Variants in ZCCHC17 observed in about 807,000 individuals in gnomAD.
ZCCHC17 encodes zinc finger CCHC domain-containing protein 17.
A neutral mutation model predicts 30.6 loss-of-function variants in ZCCHC17; 18 were observed. The ratio of observed to expected loss-of-function variants is 0.59; its 90% CI spans 0.41 to 0.87. The LOEUF (loss-of-function observed/expected upper bound fraction) is 0.87. Ranked by LOEUF, ZCCHC17 falls within the 40% of genes least tolerant of loss-of-function variation. ZCCHC17 has a pLI of 0.00. For missense variants in ZCCHC17, 263 were observed against 284.2 expected (o/e 0.93, Z 0.54); for synonymous variants, 88 against 92.4 (o/e 0.95, Z 0.27).
intron 3 of ZCCHC17, among the ~76,000 whole-genome samples, chr1:31,335,067 A>T (rs937871512): frequency 2.6e-5 from 4 of 152,164 alleles, no homozygotes; most frequent in Admixed American, 6.5e-5. Context: ...ACTCTCAGTT[A>T]TGTTTCTCAG....
intron 7 of ZCCHC17, among the ~76,000 whole-genome samples, chr1:31,362,026 G>A (rs377670938): frequency 1.8e-4 from 27 of 152,218 alleles, no homozygotes; most frequent in East Asian, 1.5e-3. Flanking sequence ...TGGCCAGGAT[G>A]GTCTCGATCT....
At chr1:31,310,197 T>G (rs1380398677) in intron 2 of ZCCHC17, 33 bp downstream of exon 2, 1 of 1,608,990 alleles carries the variant, frequency 6.2e-7, no homozygotes, top group Non-Finnish European at 8.5e-7. Flanking sequence ...AACCCACCAT[T>G]TATGTTAAAA....
At chr1:31,337,805 A>T (rs1354334248) in intron 4 of ZCCHC17, among the ~76,000 whole-genome samples, 1 of 152,180 alleles carries the variant, frequency 6.6e-6, no homozygotes, top group African/African-American at 2.4e-5. Flanking sequence ...AAGAGCATAC[A>T]CTGAGTCCTG....
At chr1:31,324,905 T>C (rs1031574629) in intron 3 of ZCCHC17, among the ~76,000 whole-genome samples, 4 of 151,868 alleles carry the variant, frequency 2.6e-5, no homozygotes, top group East Asian at 1.9e-4. Context: ...GCCTAAAGCA[T>C]AGGGGCCAGG....
chr1:31,306,735 G>A (rs780608194), intron 1 of ZCCHC17, among the ~76,000 whole-genome samples: 2 of 152,040 alleles, frequency 1.3e-5, no homozygotes, highest in African/African-American at 4.8e-5. Context: ...TGGCATGATC[G>A]TACCTCACTG....
chr1:31,329,232 T>G (rs944930459), intron 3 of ZCCHC17, among the ~76,000 whole-genome samples: 9 of 152,244 alleles, frequency 5.9e-5, no homozygotes, highest in Non-Finnish European at 1.2e-4. Context: ...TTATACTACA[T>G]CTGTGCTGAT....
At chr1:31,347,007 C>A (rs1639298895) in intron 6 of ZCCHC17, among the ~76,000 whole-genome samples, 3 of 152,244 alleles carry the variant, frequency 2.0e-5, no homozygotes, top group African/African-American at 7.2e-5. Flanking sequence ...CTGGGCAAGA[C>A]CCCCATGAAC....
chr1:31,335,891 T>C (rs2148450998), intron 3 of ZCCHC17, among the ~76,000 whole-genome samples: 1 of 152,334 alleles, frequency 6.6e-6, no homozygotes, highest in East Asian at 1.9e-4. Context: ...TTAACGTCTA[T>C]CATAAATATT....
At position 31,364,442 on chromosome 1, in the gene ZCCHC17, A is replaced by G; in HGVS notation, c.*249A>G. On this transcript the variant is annotated 3_prime_UTR_variant, in exon 8 of 8. Transcript: ENST00000344147. The stretch of plus-strand genomic sequence containing the variant: ...AGTGAACCCTGCAGCTCACCCATTC[A>G]TTCACCCAACTTCCTTCATTCAGCA... 1.9e-6 allele frequency: 1 copy of G among 537,188 alleles called. No homozygotes were observed. Among genetic ancestry groups the G allele is most frequent in the Non-Finnish European group, 3.1e-6 (1 of 318,926 alleles). 33.3% of individuals were successfully genotyped at this position (537,188 alleles called of 1,614,324 possible).
At chr1:31,346,538 C>T in intron 5 of ZCCHC17, 102 bp from the exon 6 acceptor site, 10 of 1,381,628 alleles carry the variant, frequency 7.2e-6, no homozygotes, top group Non-Finnish European at 9.6e-6. Context: ...TCTTTCTCCC[C>T]TTTCCCTGCC....
intron 3 of ZCCHC17, among the ~76,000 whole-genome samples, chr1:31,324,271 G>A (rs113878689): frequency 0.026 from 3,916 of 152,274 alleles, 162 homozygotes; most frequent in African/African-American, 0.089. Flanking sequence ...CCAAGAGTTC[G>A]GGGCCAGGCT....
chr1:31,360,101 T>A (rs1639813985), intron 7 of ZCCHC17, among the ~76,000 whole-genome samples: 1 of 151,816 alleles, frequency 6.6e-6, no homozygotes. Context: ...TGCCTCAGCC[T>A]CCCGAGTAGC....
intron 1 of ZCCHC17, among the ~76,000 whole-genome samples, chr1:31,305,338 G>A (rs1212915583): frequency 6.6e-6 from 1 of 151,908 alleles, no homozygotes; most frequent in Non-Finnish European, 1.5e-5. Context: ...GGAGTGCAGT[G>A]GTATGATCAC....
At position 31,299,929 on chromosome 1, in the gene ZCCHC17, A is replaced by G. The variant is rs79313793; in HGVS notation, c.-56+2854A>G. Reference sequence around the variant, plus strand: ...ATAGATTGGAAGAAAATAGAGGCCAATAAATCAGGGTTCTAATGAGGTCAA... The same window carrying G: ...ATAGATTGGAAGAAAATAGAGGCCAGTAAATCAGGGTTCTAATGAGGTCAA... On this transcript the variant is annotated intron_variant, in intron 1 of 7. Transcript: ENST00000344147. 5.9e-3 allele frequency among the ~76,000 whole-genome samples: 900 copies of G among 152,342 alleles called. 72 individuals are homozygous for G. In the East Asian group the frequency reaches 0.15, roughly 25 times the overall value.
intron 6 of ZCCHC17, among the ~76,000 whole-genome samples, chr1:31,347,742 T>G (rs554390827): frequency 4.6e-5 from 7 of 152,290 alleles, no homozygotes; most frequent in African/African-American, 1.7e-4. Flanking sequence ...CCTGAGTAGC[T>G]GGGACCACAG....
intron 7 of ZCCHC17, among the ~76,000 whole-genome samples, chr1:31,357,919 C>T (rs1264112371): frequency 6.6e-6 from 1 of 152,160 alleles, no homozygotes; most frequent in Non-Finnish European, 1.5e-5. Flanking sequence ...CCACGCCCAG[C>T]TGATTTTCTA....
At chr1:31,314,152 A>T (rs1305933012) in intron 2 of ZCCHC17, among the ~76,000 whole-genome samples, 1 of 152,202 alleles carries the variant, frequency 6.6e-6, no homozygotes, top group Non-Finnish European at 1.5e-5. Flanking sequence ...GGTGTGAGCC[A>T]CTGTGCCTGG....
intron 5 of ZCCHC17, 29 bp from the exon 6 acceptor site, chr1:31,346,611 G>A (rs1157535366): frequency 1.3e-6 from 2 of 1,588,248 alleles, no homozygotes; most frequent in East Asian, 4.5e-5. Flanking sequence ...TCTTAAGGGG[G>A]CCGGCAGTCG....
At chr1:31,314,346 C>T (rs1468690119) in intron 2 of ZCCHC17, among the ~76,000 whole-genome samples, 2 of 148,060 alleles carry the variant, frequency 1.4e-5, no homozygotes, top group Non-Finnish European at 3.0e-5. Flanking sequence ...AAGAGAAATA[C>T]GATAAATTGG....
Sources: allele counts gnomAD v4.1 joint callset (sites outside exome capture counted in the v4.1 genomes callset), GRCh38; gene constraint gnomAD v4.1.1; transcripts MANE v1.5; gene names NCBI Gene and HGNC (gene_info 2026-07-23, HGNC 2026-07-21).